Variants in CACNA2D1 observed in about 807,000 individuals in gnomAD.
CACNA2D1 encodes the protein voltage-dependent calcium channel subunit alpha-2/delta-1.
Under a neutral mutation model 171.5 loss-of-function variants are expected in CACNA2D1, and 53 were observed. The observed-to-expected ratio is 0.31, with a 90% CI of 0.25 to 0.39. CACNA2D1 has a LOEUF of 0.39. Among genes scored for constraint, CACNA2D1 ranks in the 10% least tolerant of loss-of-function variants. The probability of loss-of-function intolerance (pLI) is 1.00; values close to 1 mark genes in which losing one functional copy is unlikely to be tolerated. For synonymous variants in CACNA2D1, 442 were observed against 443.1 expected (o/e 1.00, Z 0.03); for missense variants, 903 against 1,299.8 (o/e 0.69, Z 4.69).
chr7:82,412,691 C>T (rs1827805478), intron 1 of CACNA2D1, among the ~76,000 whole-genome samples: 1 of 151,328 alleles, frequency 6.6e-6, no homozygotes, highest in Non-Finnish European at 1.5e-5. Flanking sequence ...AAAGATATAC[C>T]AAGAATTGAT....
chr7:82,404,211 G>A lies in CACNA2D1; in HGVS notation c.95+39154C>T, dbSNP rs566644480. 3.2e-3 allele frequency among the ~76,000 whole-genome samples: 487 copies of A among 152,256 alleles called. 7 individuals are homozygous for A. Among genetic ancestry groups the A allele is most frequent in the African/African-American group, 0.011 (452 of 41,542 alleles). ...AAACTCTGGAGCCAAAAGAAAGACA[G>A]GGAAAGAGCCGATAAAGCCCTATCA... On this transcript the variant is annotated intron_variant, in intron 1 of 38. Coordinates refer to ENST00000356860, the MANE Select transcript of CACNA2D1 (RefSeq NM_000722.4).
intron 22 of CACNA2D1, 76 bp downstream of exon 22, chr7:81,984,559 C>T: frequency 1.2e-6 from 1 of 838,786 alleles, no homozygotes; most frequent in Non-Finnish European, 2.0e-6. Flanking sequence ...TTGGGTATTC[C>T]AAAATCTAGA....
chr7:82,053,968 C>T (rs1805515653), intron 10 of CACNA2D1, among the ~76,000 whole-genome samples: 3 of 152,160 alleles, frequency 2.0e-5, no homozygotes, highest in Admixed American at 2.0e-4. Context: ...TCTGTATTAA[C>T]CTGGTTCACA....
chr7:82,056,094 G>T (rs1805875727), intron 10 of CACNA2D1, among the ~76,000 whole-genome samples: 1 of 137,802 alleles, frequency 7.3e-6, no homozygotes, highest in South Asian at 2.4e-4. Context: ...AACAAAAGAA[G>T]ATATTTAACA....
chr7:82,015,023 G>A (rs1371897681), intron 12 of CACNA2D1, among the ~76,000 whole-genome samples: 2 of 152,042 alleles, frequency 1.3e-5, no homozygotes, highest in Non-Finnish European at 2.9e-5. Flanking sequence ...TTGCACTCCA[G>A]CTTGGGCAAC....
intron 3 of CACNA2D1, among the ~76,000 whole-genome samples, chr7:82,261,522 C>A (rs866328165): frequency 6.6e-6 from 1 of 152,090 alleles, no homozygotes; most frequent in Admixed American, 6.5e-5. Context: ...AACGAGAAGG[C>A]GTGTTGTCTT....
Position 82,038,155 on chromosome 7 carries a change from G to A in CACNA2D1, c.960C>T (p.Asp320=), listed in dbSNP as rs199512133. The A allele has an allele frequency of 2.6e-4, 420 of 1,613,074 alleles. 2 individuals are homozygous for A. Among genetic ancestry groups the A allele is most frequent in the South Asian group, 2.1e-3 (188 of 91,064 alleles). The change falls in exon 11 of 39, where the codon GAC becomes GAT. Residue 320 remains aspartate (D), a synonymous_variant. Transcript: ENST00000356860. The part of the protein sequence containing the change: ...ANVRNKKVLK[D]AVNNITAKGI... ...CTTTGGCTGTGATATTATTCACCGCGTCTTTCAACACTTTTTTATTTCTTA... is the reference window on the plus strand; with the variant it reads ...CTTTGGCTGTGATATTATTCACCGCATCTTTCAACACTTTTTTATTTCTTA...
chr7:82,359,609 C>T (rs1820856604), intron 1 of CACNA2D1, among the ~76,000 whole-genome samples: 1 of 152,060 alleles, frequency 6.6e-6, no homozygotes, highest in East Asian at 1.9e-4. Flanking sequence ...TGAAAATCAC[C>T]CAAGTCTGGG....
At chr7:82,079,951 G>GT (rs1362736934) in intron 7 of CACNA2D1, among the ~76,000 whole-genome samples, 1 of 151,750 alleles carries the variant, frequency 6.6e-6, no homozygotes, top group Non-Finnish European at 1.5e-5. Context: ...TCTACAATAT[G>GT]TGTGTGTATG....
chr7:82,032,734 ACT>A (rs1802860407), intron 12 of CACNA2D1, 61 bp downstream of exon 12: 15 of 880,250 alleles, frequency 1.7e-5, no homozygotes, highest in Non-Finnish European at 2.5e-5. Context: ...ACCACTACCC[ACT>A]ATCTCTTTAA....
chr7:82,312,968 C>T (rs1024561243), intron 3 of CACNA2D1, among the ~76,000 whole-genome samples: 7 of 152,034 alleles, frequency 4.6e-5, no homozygotes, highest in Non-Finnish European at 8.8e-5. Flanking sequence ...TTCTTGTTTC[C>T]ATAGAAATGC....
intron 3 of CACNA2D1, among the ~76,000 whole-genome samples, chr7:82,243,950 G>A (rs1175011938): frequency 2.0e-5 from 3 of 151,928 alleles, no homozygotes; most frequent in South Asian, 4.2e-4. Context: ...AAGAAAACAG[G>A]GACCAAAGAC....
intron 21 of CACNA2D1, among the ~76,000 whole-genome samples, chr7:81,985,158 C>T (rs1409911137): frequency 6.8e-6 from 1 of 147,676 alleles, no homozygotes; most frequent in Non-Finnish European, 1.5e-5. Flanking sequence ...AAAATGGACA[C>T]TATTAAAATA....
intron 7 of CACNA2D1, among the ~76,000 whole-genome samples, chr7:82,069,098 C>T (rs1425595275): frequency 2.0e-5 from 3 of 152,100 alleles, no homozygotes; most frequent in Non-Finnish European, 4.4e-5. Flanking sequence ...AATTGAACAA[C>T]ATAATTTCTT....
At chr7:82,374,521 T>C (rs1250278252) in intron 1 of CACNA2D1, among the ~76,000 whole-genome samples, 1 of 152,168 alleles carries the variant, frequency 6.6e-6, no homozygotes, top group Non-Finnish European at 1.5e-5. Flanking sequence ...CTTTGATCCA[T>C]GCTTTTGTCA....
At chr7:82,136,226 T>C (rs1429899582) in intron 5 of CACNA2D1, among the ~76,000 whole-genome samples, 1 of 152,180 alleles carries the variant, frequency 6.6e-6, no homozygotes, top group African/African-American at 2.4e-5. Context: ...CATATTGTAG[T>C]TGAAGTAAAT....
intron 3 of CACNA2D1, among the ~76,000 whole-genome samples, chr7:82,321,911 G>T (rs1446980877): frequency 1.3e-5 from 2 of 151,614 alleles, no homozygotes; most frequent in Non-Finnish European, 2.9e-5. Flanking sequence ...CGGATCACGA[G>T]GTCAGGAGAT....
chr7:82,265,119 G>A (rs988760965), intron 3 of CACNA2D1, among the ~76,000 whole-genome samples: 1 of 152,146 alleles, frequency 6.6e-6, no homozygotes, highest in Non-Finnish European at 1.5e-5. Context: ...TAGGAAAATC[G>A]AACTGCATCT....
chr7:82,232,863 A>C (rs990059465), intron 3 of CACNA2D1, among the ~76,000 whole-genome samples: 8 of 4,188 alleles, frequency 1.9e-3, no homozygotes, highest in East Asian at 0.031. Context: ...GATGTCTCCA[A>C]AAAAAAAAAA....
Sources: allele counts gnomAD v4.1 joint callset (sites outside exome capture counted in the v4.1 genomes callset), GRCh38; gene constraint gnomAD v4.1.1; transcripts MANE v1.5; gene names NCBI Gene and HGNC (gene_info 2026-07-23, HGNC 2026-07-21).